Variants in SKI observed in about 807,000 individuals in gnomAD.
SKI encodes the protein SKI proto-oncogene.
Under a neutral mutation model 59.3 loss-of-function variants are expected in SKI, and 23 were observed. That is an observed-to-expected ratio of 0.39 (90% CI 0.28 to 0.55). The LOEUF (loss-of-function observed/expected upper bound fraction) is 0.55, where lower values mean the gene tolerates loss of function less well. SKI is among the 20% of genes least tolerant of loss of function. The pLI, the probability that SKI is intolerant of heterozygous loss-of-function variation, is 0.67. For synonymous variants in SKI, 673 were observed against 488.6 expected (o/e 1.38, Z -4.98); for missense variants, 1,017 against 1,038.9 (o/e 0.98, Z 0.29).
chr1:2,238,653 G>A (rs1340621170), intron 1 of SKI, among the ~76,000 whole-genome samples: 1 of 152,230 alleles, frequency 6.6e-6, no homozygotes, highest in Non-Finnish European at 1.5e-5. Flanking sequence ...ACTGGACAGG[G>A]CAGCCGAGCC....
intron 1 of SKI, among the ~76,000 whole-genome samples, chr1:2,293,433 C>CG (rs1009616175): frequency 6.6e-6 from 1 of 151,614 alleles, no homozygotes; most frequent in East Asian, 1.9e-4. Flanking sequence ...CGAGGCCCCC[C>CG]CCCAACATCT....
intron 1 of SKI, among the ~76,000 whole-genome samples, chr1:2,258,731 T>C (rs539160165): frequency 9.5e-4 from 145 of 152,150 alleles, no homozygotes; most frequent in African/African-American, 3.4e-3. Context: ...ATTTTTTAAT[T>C]TTTAGTAGAG....
chr1:2,262,486 G>A (rs1639409818), intron 1 of SKI, among the ~76,000 whole-genome samples: 1 of 150,290 alleles, frequency 6.7e-6, no homozygotes, highest in Non-Finnish European at 1.5e-5. Context: ...TGGAAGGCGT[G>A]GAGTCAGAGT....
intron 1 of SKI, among the ~76,000 whole-genome samples, chr1:2,244,515 G>C (rs575741445): frequency 1.3e-5 from 2 of 152,292 alleles, no homozygotes; most frequent in South Asian, 4.1e-4. Flanking sequence ...GGGAGGTGAA[G>C]GTTGCAGTGA....
intron 1 of SKI, among the ~76,000 whole-genome samples, chr1:2,251,372 C>G (rs1569724043): frequency 6.6e-6 from 1 of 152,214 alleles, no homozygotes; most frequent in East Asian, 1.9e-4. Context: ...ATCCTCCCGC[C>G]TGGTGTCCCA....
At chr1:2,282,653 C>T (rs1639919628) in intron 1 of SKI, among the ~76,000 whole-genome samples, 2 of 152,218 alleles carry the variant, frequency 1.3e-5, no homozygotes, top group Non-Finnish European at 2.9e-5. Context: ...CCCGCTGGCT[C>T]CCAGCCCTCC....
At chr1:2,301,043 G>A (rs917224310) in intron 1 of SKI, among the ~76,000 whole-genome samples, 1 of 152,194 alleles carries the variant, frequency 6.6e-6, no homozygotes, top group Non-Finnish European at 1.5e-5. Flanking sequence ...AGTCAGCGCC[G>A]GCTGTTGTGG....
At chr1:2,277,818 A>G (rs1264907933) in intron 1 of SKI, among the ~76,000 whole-genome samples, 1 of 138,332 alleles carries the variant, frequency 7.2e-6, no homozygotes, top group Non-Finnish European at 1.5e-5. Context: ...GCACTCACGC[A>G]CACACCTGCA....
At chr1:2,299,349 A>T (rs1557848269) in intron 1 of SKI, among the ~76,000 whole-genome samples, 1 of 151,724 alleles carries the variant, frequency 6.6e-6, no homozygotes, top group East Asian at 1.9e-4. Flanking sequence ...CAGTGGGGGA[A>T]GTGGCCCAGC....
At chr1:2,294,204 T>A (rs950876560) in intron 1 of SKI, among the ~76,000 whole-genome samples, 1 of 152,206 alleles carries the variant, frequency 6.6e-6, no homozygotes, top group African/African-American at 2.4e-5. Context: ...TTGAGCCTGA[T>A]AGCTCCGCAG....
intron 1 of SKI, among the ~76,000 whole-genome samples, chr1:2,290,667 G>GA (rs1640141193): frequency 6.6e-6 from 1 of 151,920 alleles, no homozygotes; most frequent in South Asian, 2.1e-4. Context: ...TTGTAGGCAG[G>GA]AGGAGGAGGA....
intron 1 of SKI, among the ~76,000 whole-genome samples, chr1:2,262,509 G>A (rs1440824653): frequency 1.3e-5 from 2 of 150,102 alleles, no homozygotes; most frequent in African/African-American, 4.9e-5. Flanking sequence ...GGGTGGGAGT[G>A]GACGCCCTCG....
intron 1 of SKI, among the ~76,000 whole-genome samples, chr1:2,264,249 AT>A (rs554641110): frequency 6.6e-6 from 1 of 151,814 alleles, no homozygotes; most frequent in Admixed American, 6.6e-5. Flanking sequence ...AAAAGTTTCA[AT>A]TTTTTTTGTG....
chr1:2,271,522 G>C (rs1165218893), intron 1 of SKI, among the ~76,000 whole-genome samples: 1 of 152,152 alleles, frequency 6.6e-6, no homozygotes, highest in Non-Finnish European at 1.5e-5. Context: ...GGCAGGTTCC[G>C]CGGAGTGCCC....
At position 2,254,859 on chromosome 1, in the gene SKI, TG is replaced by T. The variant is rs528998602; in HGVS notation, c.969+25130del. On this transcript the variant is annotated intron_variant, in intron 1 of 6. Coordinates refer to ENST00000378536, the MANE Select transcript of SKI (RefSeq NM_003036.4). ...GGGGTCCCTGCGGTCAGGTGAGCTC[TG>T]GGGGGTTTCTGAGGGTGGAGACAGC... Among the ~76,000 whole-genome samples the T allele has an allele frequency of 3.9e-5, 6 of 152,310 alleles. No homozygotes were observed. In the South Asian group the frequency reaches 1.0e-3, roughly 26 times the overall value.
At chr1:2,247,407 C>T (rs777862260) in intron 1 of SKI, among the ~76,000 whole-genome samples, 3 of 152,194 alleles carry the variant, frequency 2.0e-5, no homozygotes, top group African/African-American at 4.8e-5. Context: ...TCCCTCCTTT[C>T]TTCTGGCTCT....
intron 1 of SKI, among the ~76,000 whole-genome samples, chr1:2,280,161 AGT>A (rs1362537938): frequency 6.6e-6 from 1 of 151,648 alleles, no homozygotes; most frequent in East Asian, 1.9e-4. Context: ...TGAGGTCAGG[AGT>A]TAAAGATTAG....
At chr1:2,284,559 A>T (rs1299589243) in intron 1 of SKI, among the ~76,000 whole-genome samples, 1 of 152,154 alleles carries the variant, frequency 6.6e-6, no homozygotes, top group Admixed American at 6.5e-5. Context: ...ACCCTTCCCC[A>T]GTGGGCTCAC....
rs1057524624 is a variant in SKI at position 2,228,725 on chromosome 1, G to T, written c.-42G>T. The T allele has an allele frequency of 9.8e-7, 1 of 1,023,458 alleles. No homozygotes were observed. Among genetic ancestry groups the T allele is most frequent in the East Asian group, 8.5e-5 (1 of 11,710 alleles). The allele number at this position is 1,023,458 out of a possible 1,614,324, so 63.4% of individuals were successfully genotyped here. A position where few individuals can be genotyped will look rare whatever the true frequency, so the allele number is the denominator to read the frequency against. On this transcript the variant is annotated 5_prime_UTR_variant, in exon 1 of 7. Coordinates refer to ENST00000378536, the MANE Select transcript of SKI (RefSeq NM_003036.4). The stretch of plus-strand genomic sequence containing the variant: ...CGGCGGCGGGGGCCGGGGGGGCCCG[G>T]GCGCGCGGGAGCGGGAGCGGCCGGG...
Sources: allele counts gnomAD v4.1 joint callset (sites outside exome capture counted in the v4.1 genomes callset), GRCh38; gene constraint gnomAD v4.1.1; transcripts MANE v1.5; gene names NCBI Gene and HGNC (gene_info 2026-07-23, HGNC 2026-07-21).